CBFA2T2: variants seen among roughly 807,000 people sequenced by gnomAD.
CBFA2T2 encodes CBFA2/RUNX1 partner transcriptional co-repressor 2.
A neutral mutation model predicts 62.2 loss-of-function variants in CBFA2T2; 11 were observed. The ratio of observed to expected loss-of-function variants is 0.18; its 90% CI spans 0.11 to 0.29. The LOEUF is 0.29. Ranked by LOEUF, CBFA2T2 falls within the 10% of genes least tolerant of loss-of-function variation. The pLI, the probability that CBFA2T2 is intolerant of heterozygous loss-of-function variation, is 1.00. For synonymous variants in CBFA2T2, 295 were observed against 287.5 expected (o/e 1.03, Z -0.27); for missense variants, 592 against 774.1 (o/e 0.76, Z 2.79).
rs1274655557 is a variant in CBFA2T2 at position 33,647,080 on chromosome 20, A to G, written c.*2434A>G. 2 of 152,156 alleles carry G rather than the reference A, an allele frequency of 1.3e-5. No homozygotes were observed. Among genetic ancestry groups the G allele is most frequent in the African/African-American group, 2.4e-5 (1 of 41,406 alleles). 9.4% of individuals were successfully genotyped at this position (152,156 alleles called of 1,614,324 possible). On this transcript the variant is annotated 3_prime_UTR_variant, in exon 11 of 11. Coordinates refer to ENST00000342704, the MANE Select transcript of CBFA2T2 (RefSeq NM_001032999.3). ...CACAGTTTTCCAGTCAGCCTAATAC[A>G]TGGGTATCCCCCGACCCCATCTGCC...
At chr20:33,585,757 C>T (rs1039448713) in intron 1 of CBFA2T2, among the ~76,000 whole-genome samples, 1 of 152,128 alleles carries the variant, frequency 6.6e-6, no homozygotes, top group Non-Finnish European at 1.5e-5. Flanking sequence ...CTAATGGAAG[C>T]GAACAAGCAT....
At chr20:33,573,711 A>C (rs2013678742) in intron 1 of CBFA2T2, among the ~76,000 whole-genome samples, 1 of 151,928 alleles carries the variant, frequency 6.6e-6, no homozygotes, top group South Asian at 2.1e-4. Context: ...CGAACTCCTG[A>C]CCTCGTGATC....
intron 8 of CBFA2T2, 73 bp downstream of exon 8, chr20:33,629,987 G>A (rs1284285111): frequency 1.6e-5 from 21 of 1,330,148 alleles, no homozygotes; most frequent in Admixed American, 8.7e-5. Context: ...CACAGAAGGC[G>A]TTTTCTACTT....
intron 1 of CBFA2T2, among the ~76,000 whole-genome samples, chr20:33,601,207 G>A (rs1230315096): frequency 1.3e-5 from 2 of 151,474 alleles, no homozygotes; most frequent in Middle Eastern, 3.4e-3. Context: ...AGCCACCCAC[G>A]CCCAGCCTGA....
intron 1 of CBFA2T2, among the ~76,000 whole-genome samples, chr20:33,522,515 G>A: frequency 6.6e-6 from 1 of 151,788 alleles, no homozygotes; most frequent in Non-Finnish European, 1.5e-5. Flanking sequence ...ATTGTTTGAG[G>A]CCAGGAATTT....
At chr20:33,614,998 A>G (rs1257494935) in intron 3 of CBFA2T2, among the ~76,000 whole-genome samples, 1 of 152,192 alleles carries the variant, frequency 6.6e-6, no homozygotes, top group African/African-American at 2.4e-5. Context: ...TAATGTTCCT[A>G]TGAACATTCT....
intron 8 of CBFA2T2, 108 bp downstream of exon 8, chr20:33,630,022 A>C (rs148968559): frequency 1.0e-6 from 1 of 978,378 alleles, no homozygotes; most frequent in Non-Finnish European, 1.5e-6. Flanking sequence ...GTGGTACTCA[A>C]TTGTGGATTT....
intron 1 of CBFA2T2, among the ~76,000 whole-genome samples, chr20:33,495,243 C>G (rs1337141259): frequency 6.6e-6 from 1 of 151,456 alleles, no homozygotes; most frequent in Non-Finnish European, 1.5e-5. Context: ...ACTAAAAATA[C>G]AAAAAGAAGC....
chr20:33,638,551 A>G (rs7270547), intron 9 of CBFA2T2, among the ~76,000 whole-genome samples: 16,850 of 152,184 alleles, frequency 0.11, 2,524 homozygotes, highest in African/African-American at 0.33. Context: ...ACTTATGAAA[A>G]GTTCTTGGCC....
chr20:33,601,809 A>ATT lies in CBFA2T2; in HGVS notation c.35-5135_35-5134dup, dbSNP rs11404798. 115 of 147,450 alleles carry ATT rather than the reference A, an allele frequency of 7.8e-4. 1 individual carries two copies. Among genetic ancestry groups the ATT allele is most frequent in the Middle Eastern group, 6.9e-3 (2 of 288 alleles). 9.1% of individuals were successfully genotyped at this position (147,450 alleles called of 1,614,324 possible). On this transcript the variant is annotated intron_variant, in intron 1 of 10. Coordinates refer to ENST00000342704, the MANE Select transcript of CBFA2T2 (RefSeq NM_001032999.3). ...ACTCGGTAAACTGTTATTCTAATAG[A>ATT]TTTTTTTTTTTTTGAGACAGGGTCT...
intron 1 of CBFA2T2, among the ~76,000 whole-genome samples, chr20:33,512,256 C>G (rs1045029780): frequency 6.6e-6 from 1 of 151,928 alleles, no homozygotes; most frequent in African/African-American, 2.4e-5. Context: ...GAGGCTGAGG[C>G]AGGAGAACCA....
At chr20:33,574,203 G>A (rs1396520587) in intron 1 of CBFA2T2, 1 of 1,613,346 alleles carries the variant, frequency 6.2e-7, no homozygotes, top group Non-Finnish European at 8.5e-7. Context: ...CCAGGTGAAT[G>A]GCTAAAGAAT....
At chr20:33,495,255 G>A (rs1474761364) in intron 1 of CBFA2T2, among the ~76,000 whole-genome samples, 1 of 151,664 alleles carries the variant, frequency 6.6e-6, no homozygotes, top group Non-Finnish European at 1.5e-5. Flanking sequence ...AAAAGAAGCT[G>A]GCTGTGGTAG....
At chr20:33,551,513 G>A (rs1358166522) in intron 1 of CBFA2T2, among the ~76,000 whole-genome samples, 1 of 151,840 alleles carries the variant, frequency 6.6e-6, no homozygotes, top group Non-Finnish European at 1.5e-5. Flanking sequence ...ACCACACCCA[G>A]CTCTGTGCTT....
chr20:33,521,170 A>G (rs2011721299), intron 1 of CBFA2T2, among the ~76,000 whole-genome samples: 1 of 152,164 alleles, frequency 6.6e-6, no homozygotes, highest in Non-Finnish European at 1.5e-5. Context: ...CTTATTTCTC[A>G]TATTCTGTTT....
In CBFA2T2 at chr20:33,497,299, G is replaced by C. The variant is rs202176079; in HGVS notation, c.34+6998G>C. ...CAAAAAAAAAAAAAAAAAAAAAAAA[G>C]AATGTGGTCCTTTCTGTGTGACATC... On this transcript the variant is annotated intron_variant, in intron 1 of 10. Coordinates refer to ENST00000342704, the MANE Select transcript of CBFA2T2 (RefSeq NM_001032999.3). Among the ~76,000 whole-genome samples the C allele has an allele frequency of 1.9e-4, 13 of 68,898 alleles. 1 individual carries two copies. Among genetic ancestry groups the C allele is most frequent in the Non-Finnish European group, 4.0e-4 (12 of 30,006 alleles). The allele number at this position is 68,898 out of a possible 152,430, so 45.2% of individuals were successfully genotyped here.
intron 1 of CBFA2T2, among the ~76,000 whole-genome samples, chr20:33,570,355 T>C (rs2013505748): frequency 6.6e-6 from 1 of 152,218 alleles, no homozygotes; most frequent in Non-Finnish European, 1.5e-5. Flanking sequence ...TGACAGCTCC[T>C]ATGAAGGCAA....
chr20:33,621,309 T>C (rs1292831413), intron 4 of CBFA2T2, among the ~76,000 whole-genome samples: 1 of 98,140 alleles, frequency 1.0e-5, no homozygotes, highest in Non-Finnish European at 2.1e-5. Context: ...TTTTTTTTTT[T>C]TTTTGGGGAG....
intron 1 of CBFA2T2, among the ~76,000 whole-genome samples, chr20:33,564,645 C>G (rs2013223773): frequency 6.6e-6 from 1 of 152,038 alleles, no homozygotes; most frequent in African/African-American, 2.4e-5. Context: ...GAAGCATGAT[C>G]ATGGCTCACT....
Sources: allele counts gnomAD v4.1 joint callset (sites outside exome capture counted in the v4.1 genomes callset), GRCh38; gene constraint gnomAD v4.1.1; transcripts MANE v1.5; gene names NCBI Gene and HGNC (gene_info 2026-07-23, HGNC 2026-07-21).